ZFAT: variants seen among roughly 807,000 people sequenced by gnomAD.
The protein encoded by ZFAT is zinc finger protein ZFAT.
ZFAT carries 64 observed loss-of-function variants against 117.7 expected under a neutral mutation model. That is an observed-to-expected ratio of 0.54 (90% CI 0.44 to 0.67). The LOEUF (loss-of-function observed/expected upper bound fraction) is 0.67, where lower values mean the gene tolerates loss of function less well. Ranked by LOEUF, ZFAT falls within the 30% of genes least tolerant of loss-of-function variation. ZFAT has a pLI of 0.00. For synonymous variants in ZFAT, 679 were observed against 615.0 expected, an observed-to-expected ratio of 1.10 and a Z score of -1.54; for missense variants, 1,433 against 1,584.5, an observed-to-expected ratio of 0.90 and a Z score of 1.62.
At chr8:134,514,706 G>A (rs1401523690) in intron 13 of ZFAT, among the ~76,000 whole-genome samples, 2 of 152,140 alleles carry the variant, frequency 1.3e-5, no homozygotes, top group African/African-American at 4.8e-5. Flanking sequence ...CTTTTTAAAA[G>A]AATGTTTATA....
the ZFAT span, among the ~76,000 whole-genome samples, chr8:134,776,524 TTTG>T: frequency 1.3e-4 from 20 of 152,186 alleles, no homozygotes; most frequent in Admixed American, 6.5e-4. Context: ...GGCTTCGTTT[TTTG>T]TTGTTGTTGT....
Position 134,515,917 on chromosome 8 carries a change from G to A in ZFAT, c.3235-3316C>T, listed in dbSNP as rs1193505027. On this transcript the variant is annotated intron_variant, in intron 13 of 15. Transcript: ENST00000377838. ...TCCAAAAAAGAACTACAATGCTCCTGTCACACTCAAAAACTTTACAATAAA... is the reference window on the plus strand; with the variant it reads ...TCCAAAAAAGAACTACAATGCTCCTATCACACTCAAAAACTTTACAATAAA... 3.3e-5 allele frequency among the ~76,000 whole-genome samples: 5 copies of A among 152,128 alleles called. 1 individual carries two copies.
intron 3 of ZFAT, among the ~76,000 whole-genome samples, chr8:134,621,868 A>C (rs1431078666): frequency 6.6e-6 from 1 of 152,238 alleles, no homozygotes; most frequent in Admixed American, 6.5e-5. Context: ...TTTAACAAAA[A>C]GTCACTGTTT....
chr8:134,574,861 A>C (rs978313759), intron 10 of ZFAT, among the ~76,000 whole-genome samples: 1 of 152,154 alleles, frequency 6.6e-6, no homozygotes, highest in Non-Finnish European at 1.5e-5. Flanking sequence ...TACATAAGTA[A>C]ATTTTCAAGA....
the ZFAT span, among the ~76,000 whole-genome samples, chr8:134,823,383 A>G: frequency 6.6e-6 from 1 of 152,248 alleles, no homozygotes; most frequent in Admixed American, 6.5e-5. Context: ...AAGCCACTTC[A>G]AATTAATTAC....
At chr8:134,783,428 C>T in the ZFAT span, among the ~76,000 whole-genome samples, 2 of 152,110 alleles carry the variant, frequency 1.3e-5, no homozygotes, top group Non-Finnish European at 2.9e-5. Flanking sequence ...GAGAATCTAA[C>T]GCCTGATGAT....
intron 12 of ZFAT, among the ~76,000 whole-genome samples, chr8:134,521,567 A>C (rs1258346189): frequency 1.3e-5 from 2 of 152,200 alleles, no homozygotes; most frequent in Admixed American, 1.3e-4. Context: ...GAACTGATTA[A>C]ATTTTGCACA....
the ZFAT span, among the ~76,000 whole-genome samples, chr8:134,719,874 A>G: frequency 6.6e-6 from 1 of 152,228 alleles, no homozygotes; most frequent in Non-Finnish European, 1.5e-5. Flanking sequence ...AAGGAGAGGT[A>G]CCTAGACAGT....
At chr8:134,625,855 G>A (rs985630815) in intron 3 of ZFAT, among the ~76,000 whole-genome samples, 3 of 152,160 alleles carry the variant, frequency 2.0e-5, no homozygotes, top group South Asian at 4.2e-4. Flanking sequence ...CCGTGAGACC[G>A]TTAATTAGAG....
chr8:134,691,748 G>C lies in ZFAT; in HGVS notation c.19+21097C>G, dbSNP rs774330716. Among the ~76,000 whole-genome samples the C allele has an allele frequency of 9.1e-4, 138 of 152,252 alleles. 2 individuals carry two copies. Among genetic ancestry groups the C allele is most frequent in the Non-Finnish European group, 2.2e-4 (15 of 68,014 alleles). On this transcript the variant is annotated intron_variant, in intron 1 of 15. Coordinates refer to ENST00000377838, the MANE Select transcript of ZFAT (RefSeq NM_020863.4). The stretch of plus-strand genomic sequence containing the variant: ...CATGTATTTAATGCTGTGCTTATTG[G>C]TTTAACCTGTCTCCCTCAATAGATT...
the ZFAT span, among the ~76,000 whole-genome samples, chr8:134,752,320 C>CA: frequency 9.2e-4 from 140 of 152,356 alleles, 1 homozygote; most frequent in Non-Finnish European, 1.5e-3. Context: ...AAAGGCCCTA[C>CA]ATGTGCCAGC....
At chr8:134,590,194 A>T in intron 8 of ZFAT, 74 bp downstream of exon 8, 1 of 1,153,026 alleles carries the variant, frequency 8.7e-7, no homozygotes, top group East Asian at 2.4e-5. Context: ...AGTGCAGTTA[A>T]TGTAAAACAT....
intron 15 of ZFAT, among the ~76,000 whole-genome samples, chr8:134,489,476 A>T: frequency 6.6e-6 from 1 of 152,194 alleles, no homozygotes; most frequent in African/African-American, 2.4e-5. Context: ...TGCAGCCTCC[A>T]GCCCTCCCTT....
chr8:134,775,017 C>T, the ZFAT span, among the ~76,000 whole-genome samples: 1 of 152,332 alleles, frequency 6.6e-6, no homozygotes, highest in South Asian at 2.1e-4. Context: ...ACTCGGGAGG[C>T]TGAGACAGGA....
rs145684492 is a variant in ZFAT at position 134,531,597 on chromosome 8, A to G, written c.3115+1237T>C. Among the ~76,000 whole-genome samples, 4 of 152,338 alleles carry G rather than the reference A, an allele frequency of 2.6e-5. No homozygotes were observed. The East Asian group carries it at 7.7e-4, about 29-fold the overall frequency. ...GCCTAAGAGGGAGAGCTTGGGTAAC[A>G]TGCCCAAGATGGCACAGCTAAGAAA... On this transcript the variant is annotated intron_variant, in intron 12 of 15. Coordinates refer to ENST00000377838, the MANE Select transcript of ZFAT (RefSeq NM_020863.4).
At chr8:134,701,908 T>G (rs936639247) in intron 1 of ZFAT, among the ~76,000 whole-genome samples, 1 of 152,242 alleles carries the variant, frequency 6.6e-6, no homozygotes, top group Non-Finnish European at 1.5e-5. Context: ...GTGGCACTGC[T>G]GAGAGGTGGG....
In ZFAT at chr8:134,602,149, C is replaced by T; in HGVS notation, c.1570G>A (p.Ala524Thr). The T allele has an allele frequency of 6.2e-7, 1 of 1,613,338 alleles. No individual in the cohort carries two copies. The highest frequency in any genetic ancestry group is 1.1e-5 in the South Asian group (1 of 91,018). The change falls in exon 6 of 16, where the codon GCC becomes ACC. Residue 524 changes from alanine (A) to threonine (T), a missense_variant. This residue lies in a region of ZFAT where 372 missense variants were observed against 355.6 expected (regional missense o/e 1.05). Coordinates refer to ENST00000377838, the MANE Select transcript of ZFAT (RefSeq NM_020863.4). The stretch of plus-strand genomic sequence containing the variant: ...TTGAGTGCATTCACGCCCTGGAGGG[C>T]AAACTCCTCTTCCACCAGCTGTAGC... ...DQLQLVEEEF[A>T]LQGVNALKEE...
At chr8:134,584,139 C>G in intron 9 of ZFAT, 134 bp from the exon 10 acceptor site, 2 of 1,005,238 alleles carry the variant, frequency 2.0e-6, no homozygotes, top group Non-Finnish European at 2.8e-6. Flanking sequence ...GTTTTGAACA[C>G]AGCAGTATAC....
the ZFAT span, among the ~76,000 whole-genome samples, chr8:134,812,250 G>C: frequency 6.6e-6 from 1 of 152,174 alleles, no homozygotes; most frequent in South Asian, 2.1e-4. Flanking sequence ...CTCAGAGGCA[G>C]GCACATAGCT....
Sources: allele counts gnomAD v4.1 joint callset (sites outside exome capture counted in the v4.1 genomes callset), GRCh38; gene constraint gnomAD v4.1.1; regional missense constraint gnomAD v4.1.1; transcripts MANE v1.5; gene names NCBI Gene and HGNC (gene_info 2026-07-23, HGNC 2026-07-21).